TRIM27: variants seen among roughly 807,000 people sequenced by gnomAD.
TRIM27 encodes tripartite motif containing 27.
TRIM27 carries 12 observed loss-of-function variants against 57.6 expected under a neutral mutation model. The observed-to-expected ratio is 0.21, with a 90% CI of 0.13 to 0.34. The LOEUF is 0.34. TRIM27 is among the 10% of genes least tolerant of loss of function. The pLI, the probability that TRIM27 is intolerant of heterozygous loss-of-function variation, is 1.00. For synonymous variants in TRIM27, 266 were observed against 259.0 expected (o/e 1.03, Z -0.26); for missense variants, 403 against 656.8 (o/e 0.61, Z 4.22).
At chr6:28,912,449 G>A (rs1041669507) in intron 3 of TRIM27, among the ~76,000 whole-genome samples, 2 of 151,566 alleles carry the variant, frequency 1.3e-5, no homozygotes, top group African/African-American at 4.8e-5. Context: ...CTCTTGTCAG[G>A]CGCGGTGGCT....
chr6:28,918,947 CAG>C (rs1184991750), intron 3 of TRIM27, among the ~76,000 whole-genome samples: 3 of 152,004 alleles, frequency 2.0e-5, no homozygotes, highest in Admixed American at 6.6e-5. Context: ...CATACAAAAA[CAG>C]GGGATGGACC....
chr6:28,911,542 C>CT, intron 4 of TRIM27, 154 bp downstream of exon 4: 1 of 744,034 alleles, frequency 1.3e-6, no homozygotes, highest in Non-Finnish European at 2.2e-6. Flanking sequence ...TGTGGTTCAT[C>CT]TAATTCTTTG....
rs1160025449 is a variant in TRIM27, at chr6:28,921,990, G to A, written c.421-3C>T. On this transcript the variant is annotated splice_polypyrimidine_tract_variant and splice_region_variant and intron_variant, in intron 1 of 7. Coordinates refer to ENST00000377199, the MANE Select transcript of TRIM27 (RefSeq NM_006510.5). ...TCGAGCTGGTTCTGGATTTGCTCCT[G>A]AGAAAAGCAAAACAGATGGGCAGTT... 5 of 1,611,538 alleles carry A rather than the reference G, an allele frequency of 3.1e-6. No individual in the cohort carries two copies. Among genetic ancestry groups the A allele is most frequent in the Non-Finnish European group, 4.2e-6 (5 of 1,178,788 alleles).
In TRIM27 at chr6:28,920,688, T is replaced by C. The variant is rs1309423293; in HGVS notation, c.517-446A>G. Among the ~76,000 whole-genome samples, 3 of 152,166 alleles carry C rather than the reference T, an allele frequency of 2.0e-5. No individual in the cohort carries two copies. The East Asian group carries it at 5.8e-4, about 29-fold the overall frequency. On this transcript the variant is annotated intron_variant, in intron 2 of 7. Transcript: ENST00000377199. ...GGGAGAGAAAGCAAATGGTGCTATC[T>C]GGCTGGAGCACATGAGTGTTGAGGG...
intron 2 of TRIM27, 38 bp downstream of exon 2, chr6:28,921,854 C>T (rs780400205): frequency 6.6e-7 from 1 of 1,508,324 alleles, no homozygotes; most frequent in Non-Finnish European, 9.2e-7. Flanking sequence ...AAGAGGAGAG[C>T]ACCAGCAGAA....
rs1175373733 is a variant in TRIM27 at position 28,923,438 on chromosome 6, C to T, written c.195G>A (p.Met65Ile). The T allele has an allele frequency of 6.2e-7, 1 of 1,612,140 alleles. No individual in the cohort carries two copies. Among genetic ancestry groups the T allele is most frequent in the African/African-American group, 1.3e-5 (1 of 74,932 alleles). The change falls in exon 1 of 8, where the codon ATG becomes ATA. Residue 65 changes from methionine to isoleucine, a missense_variant. Physicochemically the swap from Met to Ile is conservative, Grantham distance 10. Transcript: ENST00000377199. Reference sequence around the variant, plus strand: ...CGTTGGCCAGGTGCCGGTTGGGCCGCATGTGCCTCTGCGGGAAGGTCTCCC... The same window carrying T: ...CGTTGGCCAGGTGCCGGTTGGGCCGTATGTGCCTCTGCGGGAAGGTCTCCC... ...QCRETFPQRHMRPNRHLANVT... is the reference protein window; with the variant it reads ...QCRETFPQRHIRPNRHLANVT...
At chr6:28,922,761 T>G (rs1387345974) in intron 1 of TRIM27, among the ~76,000 whole-genome samples, 1 of 152,146 alleles carries the variant, frequency 6.6e-6, no homozygotes, top group African/African-American at 2.4e-5. Flanking sequence ...TTCTTTTCTG[T>G]GAGTTTCTAG....
In TRIM27 at chr6:28,903,989, C is replaced by T. The variant is rs906452094; in HGVS notation, c.*81G>A. 1 of 1,152,742 alleles carries T rather than the reference C, an allele frequency of 8.7e-7. No individual in the cohort carries two copies. 71.4% of individuals were successfully genotyped at this position (1,152,742 alleles called of 1,614,324 possible). A position where few individuals can be genotyped will look rare whatever the true frequency, so the allele number is the denominator to read the frequency against. On this transcript the variant is annotated 3_prime_UTR_variant, in exon 8 of 8. Transcript: ENST00000377199. ...ACATGGTAAGGATACCCAGCTGTGA[C>T]AGGACGTGGCAAGGCAACAAGATGC...
chr6:28,912,725 T>C (rs760334193), intron 3 of TRIM27, among the ~76,000 whole-genome samples: 8 of 152,204 alleles, frequency 5.3e-5, no homozygotes, highest in South Asian at 2.1e-4. Flanking sequence ...GCAGGTTATC[T>C]TGTGCATATG....
chr6:28,912,203 G>A (rs1036188728), intron 3 of TRIM27, among the ~76,000 whole-genome samples: 1 of 150,438 alleles, frequency 6.6e-6, no homozygotes, highest in African/African-American at 2.4e-5. Context: ...TCTGCCACCC[G>A]GGTTCGAGCA....
At chr6:28,907,184 C>A (rs562611011) in intron 7 of TRIM27, 52 bp downstream of exon 7, 2 of 1,536,428 alleles carry the variant, frequency 1.3e-6, no homozygotes, top group Admixed American at 1.9e-5. Context: ...TAGTTAGGTT[C>A]ACAAGGATTT....
chr6:28,911,449 T>G (rs1434017052), intron 4 of TRIM27: 5 of 470,000 alleles, frequency 1.1e-5, no homozygotes, highest in Non-Finnish European at 1.5e-5. Flanking sequence ...CCACACCCTC[T>G]CCATGGAAGT....
Position 28,903,399 on chromosome 6 carries a change from T to G in TRIM27, c.*671A>C, listed in dbSNP as rs1364669209. The G allele has an allele frequency of 8.6e-6, 2 of 233,090 alleles. No individual in the cohort carries two copies. The highest frequency in any genetic ancestry group is 2.2e-5 in the African/African-American group (1 of 45,296). The allele number at this position is 233,090 out of a possible 1,614,324, so 14.4% of individuals were successfully genotyped here. On this transcript the variant is annotated 3_prime_UTR_variant, in exon 8 of 8. Coordinates refer to ENST00000377199, the MANE Select transcript of TRIM27 (RefSeq NM_006510.5). ...CACTAGAATACACCTTTCATTAGAA[T>G]GAAGAGAACAGACAAAGCCCTCAGA...
chr6:28,906,566 G>A (rs921406293), intron 7 of TRIM27: 1 of 151,982 alleles, frequency 6.6e-6, no homozygotes, highest in Non-Finnish European at 1.5e-5. Context: ...TACAAGCAAA[G>A]TACTCATTTA....
At chr6:28,909,470 T>C (rs3135293) in intron 4 of TRIM27, among the ~76,000 whole-genome samples, 7,848 of 152,296 alleles carry the variant, frequency 0.052, 330 homozygotes, top group Non-Finnish European at 0.09. Context: ...TAAGTTAAAC[T>C]GTCTAGCGTA....
chr6:28,917,825 C>T (rs200041879), intron 3 of TRIM27, among the ~76,000 whole-genome samples: 2 of 150,744 alleles, frequency 1.3e-5, no homozygotes, highest in East Asian at 3.9e-4. Flanking sequence ...TTTCTTTCTT[C>T]CTTTCTTTTT....
At chr6:28,905,686 C>T (rs887428863) in intron 7 of TRIM27, 2 of 152,372 alleles carry the variant, frequency 1.3e-5, no homozygotes, top group Middle Eastern at 3.4e-3. Context: ...GTGTGAGCCA[C>T]TACACCCAGC....
chr6:28,914,118 C>A (rs1015728549), intron 3 of TRIM27, among the ~76,000 whole-genome samples: 1 of 146,820 alleles, frequency 6.8e-6, no homozygotes. Context: ...ACCTCTTGGG[C>A]TCTAGTGATC....
rs1581519892 is a variant in TRIM27, at chr6:28,921,839, T to C, written c.516+53A>G. The C allele has an allele frequency of 3.5e-6, 5 of 1,425,002 alleles. No homozygotes were observed. In the East Asian group the frequency reaches 1.1e-4, roughly 32 times the overall value. The allele number at this position is 1,425,002 out of a possible 1,614,324, so 88.3% of individuals were successfully genotyped here. ...AGTTTAAGGGAAGTAACATCAGCTC[T>C]ACAGAAGAGGAGAGCACCAGCAGAA... On this transcript the variant is annotated intron_variant, in intron 2 of 7. Transcript: ENST00000377199.
Sources: gnomAD v4.1 joint callset for allele counts (sites outside exome capture counted in the v4.1 genomes callset) on GRCh38, gnomAD v4.1.1 for gene constraint, MANE v1.5 for transcripts, NCBI Gene and HGNC (gene_info 2026-07-23, HGNC 2026-07-21) for gene names.